The following UBE2E2 variants were observed in gnomAD, a reference collection of about 807,000 sequenced individuals.
The protein encoded by UBE2E2 is ubiquitin conjugating enzyme E2 E2.
UBE2E2 carries 6 observed loss-of-function variants against 24.7 expected under a neutral mutation model. The ratio of observed to expected loss-of-function variants is 0.24; its 90% CI spans 0.13 to 0.48. The LOEUF is 0.48. UBE2E2 is among the 20% of genes least tolerant of loss of function. UBE2E2 has a pLI of 0.99. For missense variants in UBE2E2, 169 were observed against 245.0 expected (o/e 0.69, Z 2.07); for synonymous variants, 104 against 83.6 (o/e 1.24, Z -1.33).
chr3:23,433,048 G>A (rs186660513), intron 3 of UBE2E2, among the ~76,000 whole-genome samples: 1 of 151,924 alleles, frequency 6.6e-6, no homozygotes, highest in Non-Finnish European at 1.5e-5. Context: ...CTTTATTCCT[G>A]TGATAAGATG....
At chr3:23,515,518 C>G (rs1310691344) in intron 4 of UBE2E2, among the ~76,000 whole-genome samples, 1 of 152,062 alleles carries the variant, frequency 6.6e-6, no homozygotes, top group East Asian at 1.9e-4. Context: ...TACAAGCCCT[C>G]CCTCCTCCTT....
At chr3:23,543,968 C>T (rs577536558) in intron 5 of UBE2E2, among the ~76,000 whole-genome samples, 142 of 152,270 alleles carry the variant, frequency 9.3e-4, no homozygotes, top group African/African-American at 3.0e-3. Flanking sequence ...GGGGAAAGGA[C>T]ACCCTATTCA....
chr3:23,506,124 A>G lies in UBE2E2; in HGVS notation c.360+6384A>G, dbSNP rs539181475. Among the ~76,000 whole-genome samples, 73 of 152,344 alleles carry G rather than the reference A, an allele frequency of 4.8e-4. 1 individual carries two copies. Among genetic ancestry groups the G allele is most frequent in the African/African-American group, 1.7e-3 (71 of 41,574 alleles). The stretch of plus-strand genomic sequence containing the variant: ...GCAGTGATTTATGTGTGTAAACCCA[A>G]CTACCCATTCATTTACTCCAGCCTT... On this transcript the variant is annotated intron_variant, in intron 4 of 5. Transcript: ENST00000396703.
chr3:23,291,683 C>CTTTTTT (rs11308326), intron 3 of UBE2E2, among the ~76,000 whole-genome samples: 12 of 95,030 alleles, frequency 1.3e-4, no homozygotes, highest in East Asian at 6.1e-4. Flanking sequence ...ATTTAAGGGG[C>CTTTTTT]TTTTTTTTTT....
intron 5 of UBE2E2, among the ~76,000 whole-genome samples, chr3:23,547,209 G>T (rs888225876): frequency 6.6e-6 from 1 of 152,138 alleles, no homozygotes; most frequent in African/African-American, 2.4e-5. Flanking sequence ...AAGCAATCTC[G>T]TTCCAACAAT....
In UBE2E2 at chr3:23,372,056, T is replaced by A. The variant is rs189797275; in HGVS notation, c.228-127552T>A. Among the ~76,000 whole-genome samples, 51 of 152,058 alleles carry A rather than the reference T, an allele frequency of 3.4e-4. No individual in the cohort carries two copies. In the East Asian group the frequency reaches 5.6e-3, roughly 17 times the overall value. ...TCGCTTGAACCCTGGAAATGGAGGTTGCAGTGAGCCGAGATCACGCCACTG... is the reference window on the plus strand; with the variant it reads ...TCGCTTGAACCCTGGAAATGGAGGTAGCAGTGAGCCGAGATCACGCCACTG... On this transcript the variant is annotated intron_variant, in intron 3 of 5. Coordinates refer to ENST00000396703, the MANE Select transcript of UBE2E2 (RefSeq NM_152653.4).
intron 5 of UBE2E2, among the ~76,000 whole-genome samples, chr3:23,574,300 C>T (rs1298119676): frequency 6.6e-6 from 1 of 152,072 alleles, no homozygotes; most frequent in Non-Finnish European, 1.5e-5. Context: ...ATGAAAAAGA[C>T]CTAGTGTTTG....
At chr3:23,310,754 A>G (rs1323285566) in intron 3 of UBE2E2, among the ~76,000 whole-genome samples, 1 of 152,156 alleles carries the variant, frequency 6.6e-6, no homozygotes, top group African/African-American at 2.4e-5. Context: ...ATACTCATAC[A>G]CATAAAAGAT....
At chr3:23,433,326 AAAAC>A (rs1490980223) in intron 3 of UBE2E2, among the ~76,000 whole-genome samples, 2 of 151,934 alleles carry the variant, frequency 1.3e-5, no homozygotes, top group African/African-American at 4.8e-5. Flanking sequence ...AAAAAGCTGA[AAAAC>A]AGCTGATTAA....
At chr3:23,249,758 C>T (rs1431940675) in intron 3 of UBE2E2, among the ~76,000 whole-genome samples, 2 of 151,900 alleles carry the variant, frequency 1.3e-5, no homozygotes, top group African/African-American at 4.8e-5. Context: ...TGGGTTCATG[C>T]CATTCTCCTG....
intron 5 of UBE2E2, among the ~76,000 whole-genome samples, chr3:23,568,183 A>C (rs1696121429): frequency 6.6e-6 from 1 of 152,156 alleles, no homozygotes; most frequent in South Asian, 2.1e-4. Context: ...AGATTCCCAC[A>C]CGTGGTGGAG....
At chr3:23,283,636 G>C (rs1698534944) in intron 3 of UBE2E2, among the ~76,000 whole-genome samples, 1 of 152,124 alleles carries the variant, frequency 6.6e-6, no homozygotes, top group Admixed American at 6.5e-5. Flanking sequence ...ACCACACTCA[G>C]CGAATAATTT....
At chr3:23,405,364 A>G (rs9866889) in intron 3 of UBE2E2, among the ~76,000 whole-genome samples, 6,425 of 152,254 alleles carry the variant, frequency 0.042, 468 homozygotes, top group African/African-American at 0.15. Context: ...GCTTTCATTT[A>G]GTCTTGAAGT....
intron 3 of UBE2E2, among the ~76,000 whole-genome samples, chr3:23,348,214 C>T (rs112053187): frequency 6.6e-6 from 1 of 152,072 alleles, no homozygotes; most frequent in Non-Finnish European, 1.5e-5. Flanking sequence ...TTGAAATCAA[C>T]CTAGAGAACC....
intron 3 of UBE2E2, among the ~76,000 whole-genome samples, chr3:23,464,859 A>C (rs1698887884): frequency 1.3e-5 from 2 of 152,294 alleles, no homozygotes; most frequent in South Asian, 2.1e-4. Context: ...TGCTTCTTTA[A>C]TTACTAAGTG....
intron 3 of UBE2E2, among the ~76,000 whole-genome samples, chr3:23,475,682 G>A (rs1243989927): frequency 6.6e-6 from 1 of 152,054 alleles, no homozygotes. Context: ...ACTTACAGAT[G>A]GAAGCATACT....
intron 3 of UBE2E2, among the ~76,000 whole-genome samples, chr3:23,441,258 C>T (rs1017275098): frequency 1.2e-4 from 18 of 151,624 alleles, no homozygotes; most frequent in African/African-American, 1.7e-4. Flanking sequence ...CAGTGGCTCA[C>T]GCCTGTAATC....
intron 3 of UBE2E2, among the ~76,000 whole-genome samples, chr3:23,240,969 G>C (rs148636712): frequency 1.4e-3 from 212 of 152,226 alleles, no homozygotes; most frequent in African/African-American, 4.8e-3. Context: ...TTCTTAGGCT[G>C]TCTGTAAAAT....
chr3:23,463,457 C>G (rs1698854502), intron 3 of UBE2E2, among the ~76,000 whole-genome samples: 1 of 152,078 alleles, frequency 6.6e-6, no homozygotes, highest in African/African-American at 2.4e-5. Flanking sequence ...GATTCAGTTT[C>G]TACCATATAT....
Sources: allele counts gnomAD v4.1 joint callset (sites outside exome capture counted in the v4.1 genomes callset), GRCh38; gene constraint gnomAD v4.1.1; transcripts MANE v1.5; gene names NCBI Gene and HGNC (gene_info 2026-07-23, HGNC 2026-07-21).